The following THRAP3 variants were observed in gnomAD, a reference collection of about 807,000 sequenced individuals.
The protein encoded by THRAP3 is thyroid hormone receptor-associated protein 3.
Under a neutral mutation model 101.0 loss-of-function variants are expected in THRAP3, and 16 were observed. The observed-to-expected ratio is 0.16, with a 90% CI of 0.11 to 0.24. The LOEUF (loss-of-function observed/expected upper bound fraction) is 0.24, where lower values mean the gene tolerates loss of function less well. Among genes scored for constraint, THRAP3 ranks in the 10% least tolerant of loss-of-function variants. THRAP3 has a pLI of 1.00. For missense variants in THRAP3, 989 were observed against 1,202.7 expected (o/e 0.82, Z 2.63); for synonymous variants, 407 against 422.6 (o/e 0.96, Z 0.45).
At chr1:36,285,134 G>T (rs1391980321) in intron 3 of THRAP3, among the ~76,000 whole-genome samples, 1 of 152,122 alleles carries the variant, frequency 6.6e-6, no homozygotes, top group Non-Finnish European at 1.5e-5. Flanking sequence ...ATCCTGAAAA[G>T]AAACTAGTAT....
rs756574594 is a variant in THRAP3 at position 36,303,916 on chromosome 1, G to A, written c.2767G>A (p.Ala923Thr). 1.7e-5 allele frequency: 28 copies of A among 1,613,466 alleles called. No homozygotes were observed. The highest frequency in any genetic ancestry group is 3.3e-5 in the Admixed American group (2 of 59,862). The change falls in exon 12 of 12, where the codon GCC becomes ACC. Residue 923 changes from alanine (A) to threonine (T), a missense_variant. By Grantham distance (58) the Ala-to-Thr change is moderately conservative. Transcript: ENST00000354618. Reference sequence around the variant, plus strand: ...GAAATCAAGTACCAGCCCCAAGTGGGCCCATGACAAGTTCAGTGGGGAGGA... The same window carrying A: ...GAAATCAAGTACCAGCCCCAAGTGGACCCATGACAAGTTCAGTGGGGAGGA... ...FRKSSTSPKW[A>T]HDKFSGEEGE...
At chr1:36,280,877 T>C (rs1645722422) in intron 2 of THRAP3, among the ~76,000 whole-genome samples, 1 of 152,070 alleles carries the variant, frequency 6.6e-6, no homozygotes, top group Non-Finnish European at 1.5e-5. Flanking sequence ...AAAGACTATT[T>C]GTTTCTTGGT....
intron 1 of THRAP3, among the ~76,000 whole-genome samples, chr1:36,248,178 C>A (rs935150795): frequency 2.0e-5 from 3 of 152,080 alleles, no homozygotes; most frequent in African/African-American, 7.2e-5. Context: ...CGGTGCCCAG[C>A]CTCCTTCATC....
At chr1:36,289,037 C>G in intron 4 of THRAP3, 23 bp from the exon 5 acceptor site, 1 of 1,540,382 alleles carries the variant, frequency 6.5e-7, no homozygotes, top group Non-Finnish European at 8.7e-7. Context: ...TCTTGTGTCT[C>G]TCTCTTGTGT....
At chr1:36,272,579 G>C (rs779578211) in intron 2 of THRAP3, among the ~76,000 whole-genome samples, 1 of 152,160 alleles carries the variant, frequency 6.6e-6, no homozygotes, top group Non-Finnish European at 1.5e-5. Flanking sequence ...TCCCATAACT[G>C]TCCAGAGGCA....
intron 2 of THRAP3, among the ~76,000 whole-genome samples, chr1:36,273,415 G>C (rs897759960): frequency 6.6e-5 from 10 of 152,088 alleles, no homozygotes; most frequent in African/African-American, 2.4e-4. Context: ...AAAGTAGAAG[G>C]GAATTTCCTC....
At chr1:36,288,005 CT>C (rs1241668452) in intron 4 of THRAP3, 5 of 946,654 alleles carry the variant, frequency 5.3e-6, no homozygotes, top group Non-Finnish European at 6.3e-6. Context: ...CTTTTTTTTT[CT>C]TTTATCGTAT....
the THRAP3 span, among the ~76,000 whole-genome samples, chr1:36,214,049 A>AG: frequency 7.6e-6 from 1 of 130,726 alleles, no homozygotes; most frequent in South Asian, 2.2e-4. Context: ...AAAGAAAGAA[A>AG]GAAAGAAAGA....
chr1:36,232,306 G>A (rs1489426675), intron 1 of THRAP3, among the ~76,000 whole-genome samples: 1 of 152,040 alleles, frequency 6.6e-6, no homozygotes, highest in Non-Finnish European at 1.5e-5. Context: ...ATACTCATAA[G>A]TTCTTATTAC....
At chr1:36,227,368 C>G (rs1570215151) in intron 1 of THRAP3, among the ~76,000 whole-genome samples, 1 of 151,908 alleles carries the variant, frequency 6.6e-6, no homozygotes, top group Admixed American at 6.6e-5. Flanking sequence ...ACTGCAACCT[C>G]CACCTCCCAG....
At chr1:36,250,733 G>C (rs1349628955) in intron 1 of THRAP3, among the ~76,000 whole-genome samples, 1 of 151,166 alleles carries the variant, frequency 6.6e-6, no homozygotes, top group Non-Finnish European at 1.5e-5. Context: ...CCAACATGGC[G>C]AAACCCAATC....
intron 2 of THRAP3, among the ~76,000 whole-genome samples, chr1:36,281,527 A>G (rs1466728887): frequency 6.7e-6 from 1 of 149,902 alleles, no homozygotes; most frequent in Non-Finnish European, 1.5e-5. Flanking sequence ...ACTACTAAGA[A>G]ATTCCTTTTG....
At chr1:36,237,825 G>GTT in intron 1 of THRAP3, among the ~76,000 whole-genome samples, 1 of 151,590 alleles carries the variant, frequency 6.6e-6, no homozygotes, top group Non-Finnish European at 1.5e-5. Flanking sequence ...TTTTTTTTGT[G>GTT]TGTGTGTGTG....
At chr1:36,299,176 C>T (rs983932948) in intron 9 of THRAP3, among the ~76,000 whole-genome samples, 1 of 151,994 alleles carries the variant, frequency 6.6e-6, no homozygotes, top group South Asian at 2.1e-4. Flanking sequence ...TGCGGTGGCT[C>T]ACGCCTGTAA....
At chr1:36,255,159 C>G (rs1487018370) in intron 1 of THRAP3, among the ~76,000 whole-genome samples, 2 of 152,144 alleles carry the variant, frequency 1.3e-5, no homozygotes, top group Non-Finnish European at 2.9e-5. Context: ...TAACTTGACA[C>G]TGTCTTCTTT....
At chr1:36,255,103 G>A (rs1377925999) in intron 1 of THRAP3, among the ~76,000 whole-genome samples, 1 of 152,048 alleles carries the variant, frequency 6.6e-6, no homozygotes, top group Non-Finnish European at 1.5e-5. Context: ...TTTTACAGTG[G>A]GGAATTGCTG....
At position 36,270,871 on chromosome 1, in the gene THRAP3, C is replaced by T. The variant is rs138844813; in HGVS notation, c.-32+11387C>T. Among the ~76,000 whole-genome samples, 961 of 152,150 alleles carry T rather than the reference C, an allele frequency of 6.3e-3. 11 individuals are homozygous for T. Among genetic ancestry groups the T allele is most frequent in the African/African-American group, 0.022 (909 of 41,496 alleles). ...AGATTATTACAGGTGTGAGCCACTG[C>T]GCCCAGCCAGGTTTTTTTAATATCA... On this transcript the variant is annotated intron_variant, in intron 2 of 11. Coordinates refer to ENST00000354618, the MANE Select transcript of THRAP3 (RefSeq NM_005119.4).
rs192905439 is a variant in THRAP3, at chr1:36,290,156, T to G, written c.1745+392T>G. Among the ~76,000 whole-genome samples the G allele has an allele frequency of 5.1e-3, 776 of 152,220 alleles. 11 individuals carry two copies. Among genetic ancestry groups the G allele is most frequent in the African/African-American group, 0.017 (717 of 41,540 alleles). The stretch of plus-strand genomic sequence containing the variant: ...TTCCCCATCAAATAACGTAGCAATT[T>G]TATTGTATTGTATTGTATTTTTGAG... On this transcript the variant is annotated intron_variant, in intron 5 of 11. Coordinates refer to ENST00000354618, the MANE Select transcript of THRAP3 (RefSeq NM_005119.4).
At chr1:36,300,863 C>T in intron 9 of THRAP3, 23 bp from the exon 10 acceptor site, 1 of 1,611,354 alleles carries the variant, frequency 6.2e-7, no homozygotes, top group Non-Finnish European at 8.5e-7. Context: ...TGATTGATCA[C>T]CCTGGCTCTT....
Sources: gnomAD v4.1 joint callset for allele counts (sites outside exome capture counted in the v4.1 genomes callset) on GRCh38, gnomAD v4.1.1 for gene constraint, MANE v1.5 for transcripts, NCBI Gene and HGNC (gene_info 2026-07-23, HGNC 2026-07-21) for gene names.